Variants in LRP1B observed in about 807,000 individuals in gnomAD.
LRP1B encodes LDL receptor related protein 1B.
A neutral mutation model predicts 556.6 loss-of-function variants in LRP1B; 217 were observed. The ratio of observed to expected loss-of-function variants is 0.39; its 90% CI spans 0.35 to 0.44. The LOEUF is 0.44. Ranked by LOEUF, LRP1B falls within the 20% of genes least tolerant of loss-of-function variation. LRP1B has a pLI of 1.00. For missense variants in LRP1B, 5,053 were observed against 5,620.8 expected (o/e 0.90, Z 3.23); for synonymous variants, 2,047 against 1,865.8 (o/e 1.10, Z -2.50).
At chr2:140,664,259 C>T (rs1685193243) in intron 41 of LRP1B, among the ~76,000 whole-genome samples, 1 of 152,122 alleles carries the variant, frequency 6.6e-6, no homozygotes, top group African/African-American at 2.4e-5. Flanking sequence ...AAAAATAGTG[C>T]CAACAGACTT....
intron 43 of LRP1B, among the ~76,000 whole-genome samples, chr2:140,598,203 C>A (rs1682517443): frequency 6.6e-6 from 1 of 152,200 alleles, no homozygotes. Flanking sequence ...CTCTTCAGAG[C>A]TTCTTAGGTT....
chr2:141,076,775 C>A (rs1699797756), intron 7 of LRP1B, among the ~76,000 whole-genome samples: 1 of 152,240 alleles, frequency 6.6e-6, no homozygotes, highest in South Asian at 2.1e-4. Context: ...TTCTAAAGCA[C>A]CTGGCCTCCA....
At chr2:141,301,871 TA>T (rs1021916306) in intron 3 of LRP1B, among the ~76,000 whole-genome samples, 3 of 152,096 alleles carry the variant, frequency 2.0e-5, no homozygotes, top group African/African-American at 4.8e-5. Flanking sequence ...ATCAGTAGCC[TA>T]AAAAAACAGA....
In LRP1B at chr2:142,078,216, C is replaced by A. The variant is rs550800958; in HGVS notation, c.82+52432G>T. ...TTGAAATGTACATTTTCTCAACCTCCTCTGTTTGGGAAAACTGCATGATAA... is the reference window on the plus strand; with the variant it reads ...TTGAAATGTACATTTTCTCAACCTCATCTGTTTGGGAAAACTGCATGATAA... On this transcript the variant is annotated intron_variant, in intron 1 of 90. Coordinates refer to ENST00000389484, the MANE Select transcript of LRP1B (RefSeq NM_018557.3). Among the ~76,000 whole-genome samples the A allele has an allele frequency of 1.2e-3, 181 of 152,224 alleles. No homozygotes were observed. The South Asian group carries it at 0.012, about 10-fold the overall frequency.
At chr2:141,472,458 T>G (rs1207405804) in intron 3 of LRP1B, among the ~76,000 whole-genome samples, 1 of 152,122 alleles carries the variant, frequency 6.6e-6, no homozygotes, top group African/African-American at 2.4e-5. Flanking sequence ...GAGAATCACT[T>G]GAACCCCGGA....
intron 7 of LRP1B, among the ~76,000 whole-genome samples, chr2:141,131,678 A>T (rs1056394833): frequency 2.0e-5 from 3 of 151,940 alleles, no homozygotes; most frequent in Non-Finnish European, 2.9e-5. Flanking sequence ...ATCCATAAAA[A>T]AAAAGAGACA....
At chr2:141,684,052 T>C (rs1558802467) in intron 2 of LRP1B, among the ~76,000 whole-genome samples, 1 of 152,016 alleles carries the variant, frequency 6.6e-6, no homozygotes, top group South Asian at 2.1e-4. Flanking sequence ...TGGAAATTCC[T>C]CAAGGATCTA....
intron 3 of LRP1B, among the ~76,000 whole-genome samples, chr2:141,475,093 G>A (rs2105077856): frequency 6.6e-6 from 1 of 152,296 alleles, no homozygotes; most frequent in Non-Finnish European, 1.5e-5. Context: ...GCACTTGGGG[G>A]CCAGGTGTGG....
At chr2:141,671,824 T>TC (rs1690679408) in intron 2 of LRP1B, among the ~76,000 whole-genome samples, 1 of 60,722 alleles carries the variant, frequency 1.6e-5, no homozygotes, top group South Asian at 8.1e-4. Flanking sequence ...CCCATCAAAC[T>TC]TTTTTTTTTT....
chr2:140,572,933 T>C (rs911561530), intron 43 of LRP1B, among the ~76,000 whole-genome samples: 1 of 151,900 alleles, frequency 6.6e-6, no homozygotes, highest in Admixed American at 6.6e-5. Flanking sequence ...ATGTTTTCAC[T>C]CATGTGTAGA....
chr2:141,435,565 TC>T (rs1680732047), intron 3 of LRP1B, among the ~76,000 whole-genome samples: 1 of 152,138 alleles, frequency 6.6e-6, no homozygotes. Context: ...AACTTACCTT[TC>T]CCCTCAGGCA....
chr2:140,831,797 TA>T (rs1406844313), intron 31 of LRP1B, among the ~76,000 whole-genome samples: 1 of 152,054 alleles, frequency 6.6e-6, no homozygotes, highest in African/African-American at 2.4e-5. Context: ...ATAACCAAAA[TA>T]TATAAGGAAC....
At chr2:141,500,576 G>C (rs1033788997) in intron 2 of LRP1B, among the ~76,000 whole-genome samples, 16 of 152,082 alleles carry the variant, frequency 1.1e-4, no homozygotes, top group African/African-American at 3.9e-4. Flanking sequence ...GTAAGTCAAT[G>C]ATTTAAAAAT....
rs569165439 is a variant in LRP1B, at chr2:141,243,770, A to C, written c.592+3456T>G. Among the ~76,000 whole-genome samples, 4 of 152,308 alleles carry C rather than the reference A, an allele frequency of 2.6e-5. No homozygotes were observed. The South Asian group carries it at 8.3e-4, about 32-fold the overall frequency. On this transcript the variant is annotated intron_variant, in intron 5 of 90. Transcript: ENST00000389484. The stretch of plus-strand genomic sequence containing the variant: ...GAAACAATGTATTCTTTATTTCATT[A>C]GTCAGAGACAATCTTACTAAGCGTA...
intron 1 of LRP1B, among the ~76,000 whole-genome samples, chr2:141,896,164 A>G (rs1389275040): frequency 6.6e-6 from 1 of 152,170 alleles, no homozygotes; most frequent in Non-Finnish European, 1.5e-5. Flanking sequence ...GTCATCTAGA[A>G]CAGTTTTTCT....
chr2:141,603,938 G>A (rs1449526890), intron 2 of LRP1B, among the ~76,000 whole-genome samples: 1 of 152,150 alleles, frequency 6.6e-6, no homozygotes, highest in Non-Finnish European at 1.5e-5. Flanking sequence ...ACCCAGTTTT[G>A]TAAGGAGATT....
chr2:141,486,040 C>A (rs1683109311), intron 2 of LRP1B, among the ~76,000 whole-genome samples: 1 of 152,122 alleles, frequency 6.6e-6, no homozygotes, highest in African/African-American at 2.4e-5. Flanking sequence ...ACATTTTTAG[C>A]AAGTATGGTA....
chr2:140,964,475 G>A (rs1181946571), intron 18 of LRP1B, among the ~76,000 whole-genome samples: 1 of 152,098 alleles, frequency 6.6e-6, no homozygotes, highest in Non-Finnish European at 1.5e-5. Context: ...TGCTACGGCT[G>A]GACCATGATC....
intron 1 of LRP1B, among the ~76,000 whole-genome samples, chr2:141,974,562 G>T (rs1701831683): frequency 6.6e-6 from 1 of 151,996 alleles, no homozygotes. Context: ...TGGGGCCTGA[G>T]AATGAATGTC....
Sources: gnomAD v4.1 joint callset for allele counts (sites outside exome capture counted in the v4.1 genomes callset) on GRCh38, gnomAD v4.1.1 for gene constraint, MANE v1.5 for transcripts, NCBI Gene and HGNC (gene_info 2026-07-23, HGNC 2026-07-21) for gene names.